The following GATA5 variants were observed in gnomAD, a reference collection of about 807,000 sequenced individuals.
GATA5 encodes the protein transcription factor GATA-5.
In GATA5, 27 loss-of-function variants were observed where a neutral mutation model predicts 35.0. The observed-to-expected ratio is 0.77, with a 90% CI of 0.57 to 1.06. The LOEUF is 1.06. Among genes scored for constraint, GATA5 ranks in the 50% least tolerant of loss-of-function variants. The pLI is 0.00. For missense variants in GATA5, 612 were observed against 580.0 expected (o/e 1.06, Z -0.57); for synonymous variants, 306 against 267.8 (o/e 1.14, Z -1.39).
At chr20:62,466,046 C>A in intron 4 of GATA5, 125 bp from the exon 5 acceptor site, 2 of 710,742 alleles carry the variant, frequency 2.8e-6, no homozygotes, top group East Asian at 2.7e-5. Context: ...TCCTCACAGC[C>A]CTGGTGGGTC....
At position 62,473,463 on chromosome 20, in the gene GATA5, G is replaced by A. The variant is rs781843254; in HGVS notation, c.639C>T (p.Cys213=). 15 of 1,610,876 alleles carry A rather than the reference G, an allele frequency of 9.3e-6. No individual in the cohort carries two copies. The highest frequency in any genetic ancestry group is 4.5e-5 in the East Asian group (2 of 44,790). The part of the protein sequence containing the change: ...DGTGHYLCNA[C]GLYHKMNGVN... ...CGCCATTCATCTTGTGGTAGAGGCC[G>A]CAGGCATTGCACAGGTAGTGGCCGG... The change falls in exon 3 of 7, where the codon TGC becomes TGT. Residue 213 remains cysteine (C), a synonymous_variant. Transcript: ENST00000252997.
chr20:62,475,253 G>T lies in GATA5; in HGVS notation c.269C>A (p.Ala90Asp). The change falls in exon 2 of 7, where the codon GCC becomes GAC. Residue 90 changes from alanine (A) to aspartate (D), a missense_variant. Ala to Asp is a moderately radical substitution (Grantham distance 126, BLOSUM62 -2). Transcript: ENST00000252997. ...PHPPAAHPPGATAFPFAHSPS... is the reference protein window; with the variant it reads ...PHPPAAHPPGDTAFPFAHSPS... ...GCTGTGCGCGAAAGGGAAGGCGGTG[G>T]CCCCGGGCGGGTGCGCGGCTGGGGG... The T allele has an allele frequency of 8.0e-7, 1 of 1,245,914 alleles. No individual in the cohort carries two copies. Among genetic ancestry groups the T allele is most frequent in the Non-Finnish European group, 1.0e-6 (1 of 995,026 alleles). The allele number at this position is 1,245,914 out of a possible 1,614,324, so 77.2% of individuals were successfully genotyped here. A position where few individuals can be genotyped will look rare whatever the true frequency, so the allele number is the denominator to read the frequency against.
Position 62,470,470 on chromosome 20 carries a change from A to T in GATA5, c.699+2933T>A, listed in dbSNP as rs541318861. 1.6e-3 allele frequency among the ~76,000 whole-genome samples: 238 copies of T among 152,268 alleles called. No individual in the cohort carries two copies. Among genetic ancestry groups the T allele is most frequent in the African/African-American group, 5.5e-3 (228 of 41,552 alleles). On this transcript the variant is annotated intron_variant, in intron 3 of 6. Transcript: ENST00000252997. The surrounding 1 kb of genome is among the most constrained non-coding windows in gnomAD (Gnocchi z 4.6). ...GGAGGGGGGATGTAGTAAGCACTTG[A>T]TACAGTGCCCATGCCCCTTGCTGGC...
intron 3 of GATA5, among the ~76,000 whole-genome samples, chr20:62,469,468 TA>T (rs1370806021): frequency 1.3e-5 from 2 of 152,122 alleles, no homozygotes; most frequent in Non-Finnish European, 2.9e-5. Flanking sequence ...CACACACAGA[TA>T]GGGGTGCACA....
rs1247843680 is a variant in GATA5 at position 62,475,123 on chromosome 20, C to G, written c.399G>C (p.Pro133=). 4.4e-6 allele frequency: 6 copies of G among 1,377,394 alleles called. No homozygotes were observed. Among genetic ancestry groups the G allele is most frequent in the African/African-American group, 1.5e-5 (1 of 65,942 alleles). 85.3% of individuals were successfully genotyped at this position (1,377,394 alleles called of 1,614,324 possible). A position where few individuals can be genotyped will look rare whatever the true frequency, so the allele number is the denominator to read the frequency against. ...AGGTGGCGGAGTACGAGGTCCCCAC[C>G]GGCCGCCCAAGCGGGGCCGCGAACT... ...REQFAAPLGR[P]VGTSYSATYP... Residue 133 remains proline (P), a synonymous_variant, in exon 2 of 7, where the codon CCG becomes CCC. Coordinates refer to ENST00000252997, the MANE Select transcript of GATA5 (RefSeq NM_080473.5).
At position 62,473,028 on chromosome 20, in the gene GATA5, C is replaced by T. The variant is rs184784685; in HGVS notation, c.699+375G>A. ...AGGCCTCCGAGACAGGGCCAGGCCA[C>T]AGCCAGCCACCACCGACTCGTAGGG... On this transcript the variant is annotated intron_variant, in intron 3 of 6. Coordinates refer to ENST00000252997, the MANE Select transcript of GATA5 (RefSeq NM_080473.5). Among the ~76,000 whole-genome samples, 131 of 152,344 alleles carry T rather than the reference C, an allele frequency of 8.6e-4. No individual in the cohort carries two copies. In the Middle Eastern group the frequency reaches 0.014, roughly 16 times the overall value.
At chr20:62,467,755 CCCAGATTCTCTAGCCAGGACAGAG>C (rs1388105137) in intron 3 of GATA5, among the ~76,000 whole-genome samples, 4 of 152,280 alleles carry the variant, frequency 2.6e-5, no homozygotes, top group Admixed American at 6.5e-5. Flanking sequence ...AAGCCATGCC[CCCAGATTCTCTAGCCAGGACAGAG>C]CCAGACAGCA....
chr20:62,467,907 C>T (rs1989630224), intron 3 of GATA5, among the ~76,000 whole-genome samples: 1 of 150,108 alleles, frequency 6.7e-6, no homozygotes, highest in East Asian at 2.0e-4. Context: ...CAGACACAGC[C>T]AGCCTCAGTT....
chr20:62,471,341 G>T (rs1304999992), intron 3 of GATA5, among the ~76,000 whole-genome samples: 1 of 151,566 alleles, frequency 6.6e-6, no homozygotes, highest in African/African-American at 2.4e-5. Context: ...ACGGGAGCTG[G>T]GCTGAGCTCC....
chr20:62,466,583 C>T lies in GATA5; in HGVS notation c.700-32G>A, dbSNP rs782731159. The T allele has an allele frequency of 7.2e-6, 11 of 1,535,586 alleles. No homozygotes were observed. In the East Asian group the frequency reaches 7.4e-5, roughly 10 times the overall value. ...GGGCGAGGGAGACTGGAGTGAGCCC[C>T]GGGCCGGGTGCGCGGCTGGAGCAGG... On this transcript the variant is annotated intron_variant, in intron 3 of 6. Transcript: ENST00000252997.
chr20:62,473,821 G>C (rs1569048633), intron 2 of GATA5, among the ~76,000 whole-genome samples: 1 of 152,230 alleles, frequency 6.6e-6, no homozygotes, highest in Non-Finnish European at 1.5e-5. Context: ...CGAGGATGGG[G>C]TGTTAATAAA....
chr20:62,474,337 G>C (rs1375995073), intron 2 of GATA5, among the ~76,000 whole-genome samples: 1 of 152,196 alleles, frequency 6.6e-6, no homozygotes, highest in African/African-American at 2.4e-5. Context: ...CAGCAGCCGG[G>C]CTGTCCAGGG....
chr20:62,468,188 C>A (rs1989639379), intron 3 of GATA5, among the ~76,000 whole-genome samples: 1 of 150,006 alleles, frequency 6.7e-6, no homozygotes, highest in Non-Finnish European at 1.5e-5. Flanking sequence ...TGTTACAGCC[C>A]TCTATGAGCA....
At position 62,466,468 on chromosome 20, in the gene GATA5, C is replaced by A; in HGVS notation, c.783G>T (p.Glu261Asp). Residue 261 changes from glutamate (E) to aspartate (D), a missense_variant, in exon 4 of 7, where the codon GAG (glutamate) becomes GAT (aspartate). Transcript: ENST00000252997. ...TTLWRRNSEG[E>D]PVCNACGLYM... ...AGAGGCCGCAGGCATTGCACACGGG[C>A]TCCCCCTCCGAGTTCCGCCGCCACA... is the stretch of plus-strand genomic sequence containing the variant. The A allele has an allele frequency of 6.3e-7, 1 of 1,582,894 alleles. No homozygotes were observed. Among genetic ancestry groups the A allele is most frequent in the South Asian group, 1.2e-5 (1 of 86,688 alleles).
Position 62,468,071 on chromosome 20 carries a change from C to T in GATA5, c.700-1520G>A, listed in dbSNP as rs1388907621. Reference sequence around the variant, plus strand: ...GAGCAGACACAGCCAGCCTCGGCTTCCCCGTCTGTTACAGCCCGCCTCGGT... The same window carrying T: ...GAGCAGACACAGCCAGCCTCGGCTTTCCCGTCTGTTACAGCCCGCCTCGGT... On this transcript the variant is annotated intron_variant, in intron 3 of 6. Transcript: ENST00000252997. Among the ~76,000 whole-genome samples the T allele has an allele frequency of 2.0e-5, 3 of 146,700 alleles. No individual in the cohort carries two copies. In the East Asian group the frequency reaches 6.0e-4, roughly 29 times the overall value.
chr20:62,467,296 T>A (rs868986137), intron 3 of GATA5, among the ~76,000 whole-genome samples: 15 of 152,136 alleles, frequency 9.9e-5, no homozygotes, highest in Middle Eastern at 3.4e-3. Context: ...GCCTGGGGAG[T>A]CCCTGTTGAA....
intron 3 of GATA5, 66 bp from the exon 4 acceptor site, chr20:62,466,617 A>C (rs1241517302): frequency 1.3e-6 from 2 of 1,511,582 alleles, no homozygotes; most frequent in Non-Finnish European, 1.8e-6. Context: ...GGGGGACGGA[A>C]GCGAGACTCA....
chr20:62,465,284 C>G (rs782338677), intron 6 of GATA5, 56 bp downstream of exon 6: 7 of 1,531,372 alleles, frequency 4.6e-6, no homozygotes, highest in Non-Finnish European at 6.1e-6. Context: ...TCTGACTTGG[C>G]GGAGGAAGCA....
intron 3 of GATA5, among the ~76,000 whole-genome samples, chr20:62,469,932 C>A (rs1197937382): frequency 6.6e-6 from 1 of 152,196 alleles, no homozygotes; most frequent in African/African-American, 2.4e-5. Flanking sequence ...CGCGCTGGGG[C>A]TCCCTGTGCC....
Sources: gnomAD v4.1 joint callset for allele counts (sites outside exome capture counted in the v4.1 genomes callset) on GRCh38, gnomAD v4.1.1 for gene constraint, Gnocchi (gnomAD v3.1) non-coding constraint, MANE v1.5 for transcripts, NCBI Gene and HGNC (gene_info 2026-07-23, HGNC 2026-07-21) for gene names.